PTPRD: variants seen among roughly 807,000 people sequenced by gnomAD.
PTPRD encodes receptor-type tyrosine-protein phosphatase delta.
Under a neutral mutation model 214.5 loss-of-function variants are expected in PTPRD, and 34 were observed. That is an observed-to-expected ratio of 0.16 (90% CI 0.12 to 0.21). The LOEUF is 0.21. Ranked by LOEUF, PTPRD falls within the 10% of genes least tolerant of loss-of-function variation. PTPRD has a pLI of 1.00. For missense variants in PTPRD, 2,545 were observed against 2,398.7 expected (o/e 1.06, Z -1.27); for synonymous variants, 1,128 against 845.7 (o/e 1.33, Z -5.79).
At chr9:9,619,312 G>A (rs1465010799) in intron 7 of PTPRD, among the ~76,000 whole-genome samples, 1 of 151,830 alleles carries the variant, frequency 6.6e-6, no homozygotes, top group African/African-American at 2.4e-5. Context: ...AGATACAGGA[G>A]AAAGGAAATA....
intron 3 of PTPRD, among the ~76,000 whole-genome samples, chr9:10,254,216 T>A (rs13293223): frequency 0.02 from 3,090 of 152,334 alleles, 70 homozygotes; most frequent in Non-Finnish European, 0.032. Flanking sequence ...AGTTGGCAAA[T>A]CATCTGTGGG....
chr9:9,010,881 ATAT>A (rs1365614723), intron 11 of PTPRD, among the ~76,000 whole-genome samples: 1 of 152,174 alleles, frequency 6.6e-6, no homozygotes, highest in South Asian at 2.1e-4. Flanking sequence ...TGGCAGACAA[ATAT>A]TATCCGCTTA....
At chr9:8,397,945 G>A (rs1378121132) in intron 36 of PTPRD, among the ~76,000 whole-genome samples, 5 of 152,034 alleles carry the variant, frequency 3.3e-5, no homozygotes, top group African/African-American at 1.2e-4. Context: ...CCATTTAAAA[G>A]AATAGATTCT....
chr9:8,836,187 T>A (rs2154531232), intron 11 of PTPRD, among the ~76,000 whole-genome samples: 1 of 152,238 alleles, frequency 6.6e-6, no homozygotes, highest in South Asian at 2.1e-4. Flanking sequence ...CAATATAATA[T>A]AACCAAAGTT....
At chr9:8,609,421 T>G (rs564905561) in intron 14 of PTPRD, among the ~76,000 whole-genome samples, 1 of 152,218 alleles carries the variant, frequency 6.6e-6, no homozygotes, top group Non-Finnish European at 1.5e-5. Context: ...TTATTTTAGA[T>G]TGATGAGTTG....
intron 5 of PTPRD, among the ~76,000 whole-genome samples, chr9:9,825,445 G>C (rs2821517): frequency 0.32 from 47,614 of 151,122 alleles, 8,914 homozygotes; most frequent in East Asian, 0.82. Flanking sequence ...GAGGAAGAAA[G>C]AAAGAGAAAG....
chr9:9,467,216 T>C (rs902901696), intron 8 of PTPRD, among the ~76,000 whole-genome samples: 16 of 146,412 alleles, frequency 1.1e-4, no homozygotes, highest in Admixed American at 7.6e-4. Context: ...CATTTATCTT[T>C]TTTTTTTTTT....
chr9:8,484,184 C>T lies in PTPRD; in HGVS notation c.3348G>A (p.Gly1116=), dbSNP rs777457786. The T allele has an allele frequency of 3.5e-5, 57 of 1,614,080 alleles. No individual in the cohort carries two copies. In the Admixed American group the frequency reaches 9.0e-4, roughly 25 times the overall value. ...TAATCATGCCATCCAAGTTGGTCTT[C>T]CCAATGAAGGCAGGCTTGGTACGTA... ...DVLRTKPAFI[G]KTNLDGMITV... Residue 1116 remains glycine, a synonymous_variant, in exon 30 of 46, where the codon GGG becomes GGA. Coordinates refer to ENST00000381196, the MANE Select transcript of PTPRD (RefSeq NM_002839.4).
intron 14 of PTPRD, among the ~76,000 whole-genome samples, chr9:8,600,576 C>G (rs1185404000): frequency 6.6e-6 from 1 of 151,770 alleles, no homozygotes; most frequent in African/African-American, 2.4e-5. Context: ...GCCCACACAG[C>G]CACAGTAGGA....
chr9:10,101,113 C>G (rs2098547646), intron 3 of PTPRD, among the ~76,000 whole-genome samples: 1 of 151,442 alleles, frequency 6.6e-6, no homozygotes, highest in Non-Finnish European at 1.5e-5. Context: ...ATGGGACTGA[C>G]TGAAAGTTTC....
intron 11 of PTPRD, among the ~76,000 whole-genome samples, chr9:8,788,882 T>C (rs2154503865): frequency 6.6e-6 from 1 of 152,298 alleles, no homozygotes; most frequent in East Asian, 1.9e-4. Flanking sequence ...ACAGGCAAGA[T>C]GTCTTACATG....
intron 3 of PTPRD, among the ~76,000 whole-genome samples, chr9:10,251,393 T>C (rs2092749874): frequency 8.8e-6 from 1 of 113,764 alleles, no homozygotes; most frequent in South Asian, 3.2e-4. Flanking sequence ...CTAAACTCTT[T>C]CCATTCTTTT....
chr9:9,758,033 T>C (rs2098604991), intron 6 of PTPRD, among the ~76,000 whole-genome samples: 1 of 151,892 alleles, frequency 6.6e-6, no homozygotes, highest in Non-Finnish European at 1.5e-5. Flanking sequence ...GGTGAGCCTC[T>C]CGTGTTGCTG....
intron 7 of PTPRD, among the ~76,000 whole-genome samples, chr9:9,677,453 A>T (rs922012813): frequency 3.3e-5 from 5 of 152,162 alleles, no homozygotes; most frequent in African/African-American, 1.2e-4. Flanking sequence ...TATAAACAGA[A>T]CCAATGACAA....
At chr9:8,318,199 T>C (rs943917143) in intron 45 of PTPRD, among the ~76,000 whole-genome samples, 1 of 151,924 alleles carries the variant, frequency 6.6e-6, no homozygotes, top group Non-Finnish European at 1.5e-5. Context: ...CGAGTGAACA[T>C]TACCTTCCCA....
intron 9 of PTPRD, among the ~76,000 whole-genome samples, chr9:9,286,720 AT>A (rs1313253398): frequency 1.3e-5 from 2 of 149,868 alleles, no homozygotes; most frequent in Non-Finnish European, 3.0e-5. Flanking sequence ...TGTAGTTGTC[AT>A]TTTGCACATC....
At position 10,521,223 on chromosome 9, in the gene PTPRD, CA is replaced by C. The variant is rs751689279; in HGVS notation, c.-600+91174del. On this transcript the variant is annotated intron_variant, in intron 2 of 45. Coordinates refer to ENST00000381196, the MANE Select transcript of PTPRD (RefSeq NM_002839.4). ...TGGAAAAAGTAGGTTCCAACTCTCA[CA>C]GATGACTTTCAGGGTTCAAGATTTC... is the stretch of plus-strand genomic sequence containing the variant. Among the ~76,000 whole-genome samples, 6 of 152,150 alleles carry C rather than the reference CA, an allele frequency of 3.9e-5. No homozygotes were observed. In the East Asian group the frequency reaches 1.2e-3, roughly 29 times the overall value.
chr9:10,390,425 C>T (rs545096320), intron 2 of PTPRD, among the ~76,000 whole-genome samples: 2 of 151,794 alleles, frequency 1.3e-5, no homozygotes, highest in African/African-American at 2.4e-5. Context: ...ACCTGAGAGT[C>T]GGTAAAGGCA....
chr9:9,963,556 G>A (rs578209965), intron 4 of PTPRD, among the ~76,000 whole-genome samples: 1 of 152,224 alleles, frequency 6.6e-6, no homozygotes, highest in South Asian at 2.1e-4. Context: ...CAGTGGCAAC[G>A]TCACTTTACA....
Sources: allele counts gnomAD v4.1 joint callset (sites outside exome capture counted in the v4.1 genomes callset), GRCh38; gene constraint gnomAD v4.1.1; transcripts MANE v1.5; gene names NCBI Gene and HGNC (gene_info 2026-07-23, HGNC 2026-07-21).